MICAL3: variants seen among roughly 807,000 people sequenced by gnomAD.
MICAL3 encodes [F-actin]-monooxygenase MICAL3.
A neutral mutation model predicts 207.4 loss-of-function variants in MICAL3; 62 were observed. The observed-to-expected ratio is 0.30, with a 90% CI of 0.24 to 0.37. The LOEUF is 0.37. MICAL3 is among the 10% of genes least tolerant of loss of function. The probability of loss-of-function intolerance (pLI) is 1.00; values close to 1 mark genes in which losing one functional copy is unlikely to be tolerated. For missense variants in MICAL3, 2,368 were observed against 2,635.6 expected, an observed-to-expected ratio of 0.90 and a Z score of 2.22; for synonymous variants, 1,077 against 1,069.3, an observed-to-expected ratio of 1.01 and a Z score of -0.14.
In MICAL3 at chr22:17,844,777, C is replaced by G. The variant is rs564012148; in HGVS notation, c.2606-2760G>C. Among the ~76,000 whole-genome samples, 113 of 152,284 alleles carry G rather than the reference C, an allele frequency of 7.4e-4. 1 individual carries two copies. Among genetic ancestry groups the G allele is most frequent in the African/African-American group, 2.5e-3 (105 of 41,554 alleles). On this transcript the variant is annotated intron_variant, in intron 19 of 31. Coordinates refer to ENST00000441493, the MANE Select transcript of MICAL3 (RefSeq NM_015241.3). ...GAGCTCAGGGCACAAAAAGAATATG[C>G]TATGATGCTGGGCTAGGGCATCTTG...
intron 1 of MICAL3, among the ~76,000 whole-genome samples, chr22:17,968,789 A>G (rs747391593): frequency 1.3e-5 from 2 of 152,160 alleles, no homozygotes; most frequent in Non-Finnish European, 2.9e-5. Flanking sequence ...GCTCGAGGGG[A>G]GTTAGGCGCT....
chr22:17,893,084 G>A (rs77388777), intron 11 of MICAL3, among the ~76,000 whole-genome samples: 443 of 152,212 alleles, frequency 2.9e-3, no homozygotes, highest in African/African-American at 0.01. Flanking sequence ...TCACCTCTTC[G>A]AGGCCGCACA....
intron 22 of MICAL3, among the ~76,000 whole-genome samples, chr22:17,825,108 G>A (rs1329038358): frequency 6.6e-6 from 1 of 152,192 alleles, no homozygotes. Flanking sequence ...ACAGCCCAGG[G>A]CACCCTGGGT....
intron 29 of MICAL3, among the ~76,000 whole-genome samples, chr22:17,798,186 A>G (rs2061897049): frequency 6.6e-6 from 1 of 152,094 alleles, no homozygotes; most frequent in East Asian, 1.9e-4. Context: ...ACCATTTACA[A>G]CTCTATTTCC....
chr22:17,860,209 A>G, intron 19 of MICAL3: 1 of 982,882 alleles, frequency 1.0e-6, no homozygotes, highest in Non-Finnish European at 1.2e-6. Flanking sequence ...ATTTGTTAAA[A>G]AAAAAATTAA....
chr22:18,008,084 A>ATTAGCCTGG (rs1923516011), intron 1 of MICAL3, among the ~76,000 whole-genome samples: 1 of 151,612 alleles, frequency 6.6e-6, no homozygotes, highest in African/African-American at 2.4e-5. Context: ...TACTAAAAAT[A>ATTAGCCTGG]CAAAATTAGC....
intron 3 of MICAL3, 33 bp downstream of exon 3, chr22:17,904,599 G>A (rs1931582660): frequency 1.3e-6 from 2 of 1,527,724 alleles, no homozygotes; most frequent in Non-Finnish European, 1.8e-6. Context: ...AAGGGGTAGG[G>A]TGGAATCTTA....
intron 1 of MICAL3, among the ~76,000 whole-genome samples, chr22:17,950,834 G>A (rs1438817233): frequency 6.6e-6 from 1 of 152,154 alleles, no homozygotes; most frequent in Admixed American, 6.5e-5. Flanking sequence ...ACCCACCAAC[G>A]CCACTACTTG....
At chr22:17,877,921 T>C (rs1026154442) in intron 16 of MICAL3, among the ~76,000 whole-genome samples, 6 of 151,938 alleles carry the variant, frequency 3.9e-5, no homozygotes, top group Non-Finnish European at 7.4e-5. Context: ...GGCGCGATCT[T>C]GGCTCACTGC....
chr22:17,841,992 C>A lies in MICAL3; in HGVS notation c.2631G>T (p.Glu877Asp). The A allele has an allele frequency of 6.2e-7, 1 of 1,604,422 alleles. No individual in the cohort carries two copies. Among genetic ancestry groups the A allele is most frequent in the Non-Finnish European group, 8.5e-7 (1 of 1,179,500 alleles). Reference protein sequence around the residue: ...TPGSGVNGLEEPSIAKRLRGT... With the variant: ...TPGSGVNGLEDPSIAKRLRGT... Reference sequence around the variant, plus strand: ...CCCTCAGTCGCTTGGCGATGCTGGGCTCCTCCAGGCCGTTCACGCCTGAAC... The same window carrying A: ...CCCTCAGTCGCTTGGCGATGCTGGGATCCTCCAGGCCGTTCACGCCTGAAC... Residue 877 changes from glutamate to aspartate, a missense_variant, in exon 20 of 32, where the codon GAG becomes GAT. Glu to Asp is a conservative substitution (Grantham distance 45). Around this residue, in one of 4 missense-constraint regions of MICAL3, gnomAD observed 1,770 missense variants for 1,863.2 expected, o/e 0.95. Coordinates refer to ENST00000441493, the MANE Select transcript of MICAL3 (RefSeq NM_015241.3). This position sits in a 1 kb window ranked among gnomAD's most constrained non-coding sequence, Gnocchi z 4.2.
Position 17,826,789 on chromosome 22 carries a change from G to A in MICAL3, c.3193+855C>T, listed in dbSNP as rs559191157. Among the ~76,000 whole-genome samples the A allele has an allele frequency of 3.9e-5, 6 of 152,358 alleles. No homozygotes were observed. The South Asian group carries it at 1.2e-3, about 32-fold the overall frequency. On this transcript the variant is annotated intron_variant, in intron 22 of 31. Transcript: ENST00000441493. ...CCAGCTCACAGGCCAGCCCAGTGATGCGGGTGCTCATGGTGCCACCACAAG... is the reference window on the plus strand; with the variant it reads ...CCAGCTCACAGGCCAGCCCAGTGATACGGGTGCTCATGGTGCCACCACAAG...
intron 22 of MICAL3, among the ~76,000 whole-genome samples, chr22:17,824,462 G>A (rs1035460212): frequency 3.3e-5 from 5 of 152,186 alleles, no homozygotes; most frequent in Admixed American, 1.3e-4. Flanking sequence ...TGCTGGCAAC[G>A]TTTTATCCCT....
intron 1 of MICAL3, among the ~76,000 whole-genome samples, chr22:17,915,798 A>C (rs1373769985): frequency 6.6e-6 from 1 of 152,112 alleles, no homozygotes; most frequent in Non-Finnish European, 1.5e-5. Flanking sequence ...TTCTGTGTAG[A>C]AGACCAAAAT....
rs1921809593 is a variant in MICAL3 at position 17,822,962 on chromosome 22, C to T, written c.3292G>A (p.Ala1098Thr). ...GGACCCCTACCATCATCCAGCTCAGCACCAGTGTCCCCTGGGTCCCCATCC... is the reference window on the plus strand; with the variant it reads ...GGACCCCTACCATCATCCAGCTCAGTACCAGTGTCCCCTGGGTCCCCATCC... ...AEDGDPGDTG[A>T]ELDDDQHWSD... The change falls in exon 23 of 32, where the codon GCT becomes ACT. Residue 1098 changes from alanine to threonine, a missense_variant. Physicochemically the swap from Ala to Thr is moderately conservative, Grantham distance 58. This residue lies in a region of MICAL3 where 1,770 missense variants were observed against 1,863.2 expected (regional missense o/e 0.95). Transcript: ENST00000441493. 6.2e-7 allele frequency: 1 copy of T among 1,612,166 alleles called. No individual in the cohort carries two copies. Among genetic ancestry groups the T allele is most frequent in the Non-Finnish European group, 8.5e-7 (1 of 1,178,376 alleles).
Position 17,818,656 on chromosome 22 carries a change from G to A in MICAL3, c.4005C>T (p.Arg1335=). The A allele has an allele frequency of 6.2e-7, 1 of 1,613,678 alleles. No individual in the cohort carries two copies. The highest frequency in any genetic ancestry group is 2.2e-5 in the East Asian group (1 of 44,880). The change falls in exon 26 of 32, where the codon CGC becomes CGT. Residue 1335 remains arginine, a synonymous_variant. Coordinates refer to ENST00000441493, the MANE Select transcript of MICAL3 (RefSeq NM_015241.3). ...EEFWMKSAEI[R]RSLGLTPVDR... Reference sequence around the variant, plus strand: ...CCACAGGTGTGAGCCCGAGGCTGCGGCGGATCTCCGCACTCTTCATCCAGA... The same window carrying A: ...CCACAGGTGTGAGCCCGAGGCTGCGACGGATCTCCGCACTCTTCATCCAGA...
At chr22:17,834,208 C>G (rs1270868392) in intron 20 of MICAL3, 4 of 1,067,530 alleles carry the variant, frequency 3.7e-6, no homozygotes, top group Admixed American at 1.0e-4. Context: ...TTTGTGCTCT[C>G]TGAGTTTGCT....
chr22:17,862,872 A>G, intron 19 of MICAL3: 2 of 985,498 alleles, frequency 2.0e-6, no homozygotes, highest in Non-Finnish European at 2.4e-6. Flanking sequence ...AGTGCCTGTC[A>G]TTAACTGTAA....
chr22:17,893,992 G>A (rs1930606672), intron 10 of MICAL3, 88 bp from the exon 11 acceptor site: 1 of 947,812 alleles, frequency 1.1e-6, no homozygotes, highest in Admixed American at 2.0e-5. Flanking sequence ...TGAAAGGAAA[G>A]TCTGGGATAG....
chr22:17,876,954 ATG>A (rs1225451828), intron 16 of MICAL3: 17 of 135,324 alleles, frequency 1.3e-4, no homozygotes, highest in African/African-American at 2.6e-4. Context: ...TATGGAGGTT[ATG>A]GAGGTTAGGG....
Sources: gnomAD v4.1 joint callset for allele counts (sites outside exome capture counted in the v4.1 genomes callset) on GRCh38, gnomAD v4.1.1 for gene constraint, gnomAD v4.1.1 regional missense constraint, Gnocchi (gnomAD v3.1) non-coding constraint, MANE v1.5 for transcripts, NCBI Gene and HGNC (gene_info 2026-07-23, HGNC 2026-07-21) for gene names.